The following RBFOX1 variants were observed in gnomAD, a reference collection of about 807,000 sequenced individuals.
RBFOX1 encodes the protein RNA binding protein fox-1 homolog 1.
In RBFOX1, 8 loss-of-function variants were observed where a neutral mutation model predicts 57.7. The ratio of observed to expected loss-of-function variants is 0.14; its 90% CI spans 0.08 to 0.25. The LOEUF is 0.25. RBFOX1 is among the 10% of genes least tolerant of loss of function. The probability of loss-of-function intolerance (pLI) is 1.00; values close to 1 mark genes in which losing one functional copy is unlikely to be tolerated. For synonymous variants in RBFOX1, 326 were observed against 222.4 expected (o/e 1.47, Z -4.15); for missense variants, 611 against 548.5 (o/e 1.11, Z -1.14).
intron 4 of RBFOX1, among the ~76,000 whole-genome samples, chr16:5,884,884 C>G (rs192570119): frequency 3.1e-4 from 47 of 152,212 alleles, no homozygotes; most frequent in African/African-American, 1.1e-3. Flanking sequence ...TGTCTTTCTC[C>G]CATTTTGCCA....
chr16:5,764,485 A>C (rs2053706652), intron 3 of RBFOX1, among the ~76,000 whole-genome samples: 1 of 152,186 alleles, frequency 6.6e-6, no homozygotes, highest in African/African-American at 2.4e-5. Context: ...TTTATAAATT[A>C]CCCAGGCTCA....
chr16:5,827,191 A>G (rs1015009008), intron 3 of RBFOX1, among the ~76,000 whole-genome samples: 2 of 151,950 alleles, frequency 1.3e-5, no homozygotes, highest in African/African-American at 4.8e-5. Flanking sequence ...CATGAGGTCA[A>G]GAATTCGAGA....
chr16:6,461,516 C>A (rs1473820683), intron 2 of RBFOX1, among the ~76,000 whole-genome samples: 1 of 152,192 alleles, frequency 6.6e-6, no homozygotes, highest in East Asian at 1.9e-4. Flanking sequence ...TGTATTTCTT[C>A]ACATTAAACA....
At chr16:7,582,281 A>C (rs1309836616) in intron 6 of RBFOX1, among the ~76,000 whole-genome samples, 1 of 152,200 alleles carries the variant, frequency 6.6e-6, no homozygotes, top group Non-Finnish European at 1.5e-5. Context: ...CACACCATGC[A>C]TTTAGTGCAC....
At chr16:5,253,148 TTTTC>T (rs1288076705) in intron 1 of RBFOX1, among the ~76,000 whole-genome samples, 1 of 152,150 alleles carries the variant, frequency 6.6e-6, no homozygotes, top group Admixed American at 6.5e-5. Context: ...TTCTTTTTTT[TTTTC>T]TTTCTTTCTT....
At chr16:6,818,293 G>A (rs748236894) in intron 3 of RBFOX1, among the ~76,000 whole-genome samples, 5 of 152,048 alleles carry the variant, frequency 3.3e-5, no homozygotes, top group East Asian at 1.9e-4. Context: ...CTGTGTGTGC[G>A]TCTTTCATTA....
At chr16:5,918,151 G>A (rs955060995) in intron 4 of RBFOX1, among the ~76,000 whole-genome samples, 1 of 152,144 alleles carries the variant, frequency 6.6e-6, no homozygotes, top group Non-Finnish European at 1.5e-5. Flanking sequence ...ACAGAGTCTT[G>A]TTTTATTGCC....
intron 3 of RBFOX1, among the ~76,000 whole-genome samples, chr16:6,748,225 A>G (rs1410607122): frequency 6.6e-6 from 1 of 152,162 alleles, no homozygotes; most frequent in Admixed American, 6.6e-5. Context: ...CATGCTGTGC[A>G]TAAATTCCAG....
At chr16:5,494,021 T>C (rs2042919360) in intron 2 of RBFOX1, among the ~76,000 whole-genome samples, 1 of 152,216 alleles carries the variant, frequency 6.6e-6, no homozygotes, top group South Asian at 2.1e-4. Flanking sequence ...TTGTGAAGAC[T>C]CACGAGGTGA....
At chr16:7,035,389 C>T (rs528304786) in intron 3 of RBFOX1, among the ~76,000 whole-genome samples, 2 of 152,310 alleles carry the variant, frequency 1.3e-5, no homozygotes, top group South Asian at 2.1e-4. Context: ...TCACGTTATA[C>T]ACTTAAATTA....
At chr16:6,978,473 A>G (rs1301351044) in intron 3 of RBFOX1, among the ~76,000 whole-genome samples, 2 of 152,188 alleles carry the variant, frequency 1.3e-5, no homozygotes, top group African/African-American at 4.8e-5. Context: ...TTACGTTTTC[A>G]TTACAGGTAG....
At position 6,097,064 on chromosome 16, in the gene RBFOX1, C is replaced by A. The variant is rs1210112402; in HGVS notation, c.-127+77072C>A. ...AACTGAATCATGGGGGTGGTTTCCCCCATACTGTTGTCATGGTGGTGAGTA... is the reference window on the plus strand; with the variant it reads ...AACTGAATCATGGGGGTGGTTTCCCACATACTGTTGTCATGGTGGTGAGTA... On this transcript the variant is annotated intron_variant, in intron 1 of 15. Transcript: ENST00000550418. This position sits in a 1 kb window ranked among gnomAD's most constrained non-coding sequence, Gnocchi z 5.0. Among the ~76,000 whole-genome samples the A allele has an allele frequency of 1.3e-5, 2 of 152,028 alleles. No homozygotes were observed. Among genetic ancestry groups the A allele is most frequent in the African/African-American group, 2.4e-5 (1 of 41,394 alleles).
chr16:6,007,141 C>T (rs977138215), intron 4 of RBFOX1, among the ~76,000 whole-genome samples: 1 of 152,218 alleles, frequency 6.6e-6, no homozygotes, highest in Non-Finnish European at 1.5e-5. Flanking sequence ...ATCCCTCTCT[C>T]CTGGTATCTG....
At chr16:7,571,764 T>C (rs571971760) in intron 5 of RBFOX1, among the ~76,000 whole-genome samples, 1 of 152,160 alleles carries the variant, frequency 6.6e-6, no homozygotes, top group South Asian at 2.1e-4. Context: ...TTCCCATCTG[T>C]GTAGGGTCCT....
intron 1 of RBFOX1, among the ~76,000 whole-genome samples, chr16:5,341,027 G>A (rs1055385844): frequency 2.6e-5 from 4 of 152,152 alleles, no homozygotes; most frequent in African/African-American, 9.7e-5. Context: ...AGATACCTGT[G>A]GATGCCTAGG....
intron 4 of RBFOX1, among the ~76,000 whole-genome samples, chr16:7,439,938 A>G (rs1163250984): frequency 6.9e-6 from 1 of 144,870 alleles, no homozygotes; most frequent in Non-Finnish European, 1.5e-5. Flanking sequence ...AAACAACCAA[A>G]TCTTTTCTTT....
At chr16:6,021,133 G>C (rs2095067213) in intron 1 of RBFOX1, among the ~76,000 whole-genome samples, 2 of 152,238 alleles carry the variant, frequency 1.3e-5, no homozygotes, top group Admixed American at 6.5e-5. Context: ...GTGGGGGAGT[G>C]TGGTGAAATA....
intron 3 of RBFOX1, chr16:6,721,692 G>A (rs2066023364): frequency 6.6e-6 from 1 of 152,042 alleles, no homozygotes; most frequent in Admixed American, 6.5e-5. Context: ...CACAGCGTTT[G>A]TCTTTTTGTG....
At chr16:6,620,891 G>A (rs771179768) in intron 2 of RBFOX1, among the ~76,000 whole-genome samples, 1 of 152,180 alleles carries the variant, frequency 6.6e-6, no homozygotes, top group Non-Finnish European at 1.5e-5. Flanking sequence ...TGATAGGACT[G>A]CCTTAACAAA....
Sources: gnomAD v4.1 joint callset for allele counts (sites outside exome capture counted in the v4.1 genomes callset) on GRCh38, gnomAD v4.1.1 for gene constraint, Gnocchi (gnomAD v3.1) non-coding constraint, MANE v1.5 for transcripts, NCBI Gene and HGNC (gene_info 2026-07-23, HGNC 2026-07-21) for gene names.